The following P4HA1 variants were observed in gnomAD, a reference collection of about 807,000 sequenced individuals.
The protein encoded by P4HA1 is prolyl 4-hydroxylase subunit alpha-1.
A neutral mutation model predicts 72.8 loss-of-function variants in P4HA1; 24 were observed. That is an observed-to-expected ratio of 0.33 (90% CI 0.24 to 0.46). The LOEUF (loss-of-function observed/expected upper bound fraction) is 0.46. Ranked by LOEUF, P4HA1 falls within the 20% of genes least tolerant of loss-of-function variation. The pLI is 1.00. For synonymous variants in P4HA1, 201 were observed against 218.8 expected (o/e 0.92, Z 0.72); for missense variants, 446 against 640.6 (o/e 0.70, Z 3.28).
chr10:73,052,678 A>T (rs1345377929), intron 6 of P4HA1, among the ~76,000 whole-genome samples: 1 of 152,228 alleles, frequency 6.6e-6, no homozygotes, highest in Non-Finnish European at 1.5e-5. Flanking sequence ...TGATTCTAAC[A>T]TGCACATATT....
At chr10:73,066,098 G>A (rs1293068227) in intron 5 of P4HA1, among the ~76,000 whole-genome samples, 1 of 152,190 alleles carries the variant, frequency 6.6e-6, no homozygotes, top group Admixed American at 6.5e-5. Context: ...AGGTGCACAA[G>A]AAGCCTTCGA....
Position 73,046,982 on chromosome 10 carries a change from G to C in P4HA1, c.1020C>G (p.Phe340Leu). The C allele has an allele frequency of 6.2e-7, 1 of 1,613,136 alleles. No homozygotes were observed. The highest frequency in any genetic ancestry group is 8.5e-7 in the Non-Finnish European group (1 of 1,179,244). Residue 340 changes from phenylalanine (F) to leucine (L), a missense_variant, in exon 8 of 15, where the codon TTC becomes TTG. By Grantham distance (22) the Phe-to-Leu change is conservative. Coordinates refer to ENST00000394890, the MANE Select transcript of P4HA1 (RefSeq NM_001017962.3). ...TTTCTGCATCAGAAATAATATCATG[G>C]AAGCGAATAATACGAGGCTTGTCCC... ...DEWDKPRIIR[F>L]HDIISDAEIE...
At chr10:73,096,204 T>C (rs1464684692) in intron 1 of P4HA1, among the ~76,000 whole-genome samples, 2 of 152,190 alleles carry the variant, frequency 1.3e-5, no homozygotes, top group Non-Finnish European at 1.5e-5. Flanking sequence ...GCGCAACAGA[T>C]GAGTTCAGCC....
chr10:73,057,169 G>A (rs1341311940), intron 5 of P4HA1, among the ~76,000 whole-genome samples: 1 of 151,644 alleles, frequency 6.6e-6, no homozygotes, highest in Non-Finnish European at 1.5e-5. Context: ...GCAGTAGAGA[G>A]AGATAAAAAC....
At chr10:73,052,694 A>G (rs1263967872) in intron 6 of P4HA1, among the ~76,000 whole-genome samples, 2 of 152,200 alleles carry the variant, frequency 1.3e-5, no homozygotes, top group Non-Finnish European at 2.9e-5. Context: ...ATATTTTCCT[A>G]TTTTGTAAAA....
chr10:73,064,241 CG>C (rs967617473), intron 5 of P4HA1, among the ~76,000 whole-genome samples: 5 of 151,794 alleles, frequency 3.3e-5, no homozygotes, highest in Admixed American at 6.6e-5. Flanking sequence ...CTGCGGGGTG[CG>C]GGGGGGTGGA....
At chr10:73,041,245 G>A (rs1302718975) in intron 9 of P4HA1, among the ~76,000 whole-genome samples, 2 of 151,986 alleles carry the variant, frequency 1.3e-5, no homozygotes, top group African/African-American at 4.8e-5. Flanking sequence ...CCCTTAAGCA[G>A]GCTATAAAAG....
Position 73,057,506 on chromosome 10 carries a change from C to T in P4HA1, c.464-3916G>A, listed in dbSNP as rs551486491. On this transcript the variant is annotated intron_variant, in intron 5 of 14. Transcript: ENST00000394890. ...CTCCATCTCTTAAAAAAAACAAAAA[C>T]AAAAACAAAACACACACAAAGACAA... 2.0e-4 allele frequency among the ~76,000 whole-genome samples: 30 copies of T among 151,518 alleles called. 1 individual carries two copies. The highest frequency in any genetic ancestry group is 1.6e-3 in the Admixed American group (25 of 15,186).
chr10:73,019,488 A>G (rs1340285567), intron 10 of P4HA1, among the ~76,000 whole-genome samples: 3 of 152,176 alleles, frequency 2.0e-5, no homozygotes. Flanking sequence ...ACTCAAACAG[A>G]TAAAAGAAAA....
intron 7 of P4HA1, among the ~76,000 whole-genome samples, chr10:73,049,665 A>G (rs1286374815): frequency 6.6e-6 from 1 of 152,234 alleles, no homozygotes; most frequent in Non-Finnish European, 1.5e-5. Flanking sequence ...CAATAAACAA[A>G]GTAATATTTA....
At chr10:73,092,966 A>T (rs1842067128) in intron 1 of P4HA1, among the ~76,000 whole-genome samples, 1 of 151,888 alleles carries the variant, frequency 6.6e-6, no homozygotes, top group Admixed American at 6.6e-5. Context: ...AAAAAATTAA[A>T]AAATTAGCTA....
chr10:73,050,398 A>ATT (rs112588235), intron 7 of P4HA1, among the ~76,000 whole-genome samples: 7,479 of 150,290 alleles, frequency 0.05, 601 homozygotes, highest in African/African-American at 0.17. Flanking sequence ...GTATACTGTA[A>ATT]TTTTTTTTTT....
intron 1 of P4HA1, among the ~76,000 whole-genome samples, chr10:73,078,086 A>AC (rs1242272526): frequency 3.1e-4 from 46 of 150,544 alleles, no homozygotes; most frequent in Middle Eastern, 3.4e-3. Flanking sequence ...AAAAAAAAAA[A>AC]ACCTTTAAAA....
intron 7 of P4HA1, among the ~76,000 whole-genome samples, chr10:73,048,846 A>C (rs1467240601): frequency 6.6e-6 from 1 of 152,210 alleles, no homozygotes; most frequent in East Asian, 1.9e-4. Flanking sequence ...GAAAATGTTT[A>C]ATGAGGGAAC....
intron 5 of P4HA1, among the ~76,000 whole-genome samples, chr10:73,065,686 TG>T (rs1234208218): frequency 6.6e-6 from 1 of 152,162 alleles, no homozygotes; most frequent in African/African-American, 2.4e-5. Flanking sequence ...TGGCCACATC[TG>T]GTAAGTATGA....
chr10:73,037,489 C>T (rs1334077618), intron 9 of P4HA1, among the ~76,000 whole-genome samples: 1 of 130,614 alleles, frequency 7.7e-6, no homozygotes, highest in African/African-American at 2.9e-5. Flanking sequence ...CCGACACACA[C>T]ATAAGAATAT....
In P4HA1 at chr10:73,008,244, C is replaced by G. The variant is rs1430892755; in HGVS notation, c.1583G>C (p.Cys528Ser). The G allele has an allele frequency of 6.2e-7, 1 of 1,608,408 alleles. No individual in the cohort carries two copies. The highest frequency in any genetic ancestry group is 1.7e-5 in the Admixed American group (1 of 60,002). The change falls in exon 15 of 15, where the codon TGT (cysteine) becomes TCT (serine). Residue 528 changes from cysteine to serine, a missense_variant. Physicochemically the swap from Cys to Ser is moderately radical, Grantham distance 112. Transcript: ENST00000394890. ...HERGQEFRRP[C>S]TLSELE The stretch of plus-strand genomic sequence containing the variant: ...TTGTCATTCCAATTCTGACAACGTA[C>G]AAGGTCTTCGAAATTCTTGTCCACG...
chr10:73,018,472 C>G (rs1840060230), intron 10 of P4HA1, among the ~76,000 whole-genome samples: 2 of 152,150 alleles, frequency 1.3e-5, no homozygotes, highest in African/African-American at 4.8e-5. Flanking sequence ...GGAGTGAAGT[C>G]ATTGCTGTGC....
intron 4 of P4HA1, among the ~76,000 whole-genome samples, chr10:73,071,541 G>A (rs1247289393): frequency 6.6e-6 from 1 of 151,864 alleles, no homozygotes; most frequent in African/African-American, 2.4e-5. Flanking sequence ...ACATTTCAAT[G>A]CTCCAACTAC....
Sources: allele counts gnomAD v4.1 joint callset (sites outside exome capture counted in the v4.1 genomes callset), GRCh38; gene constraint gnomAD v4.1.1; transcripts MANE v1.5; gene names NCBI Gene and HGNC (gene_info 2026-07-23, HGNC 2026-07-21).